The following NCOR2 variants were observed in gnomAD, a reference collection of about 807,000 sequenced individuals.
NCOR2 encodes nuclear receptor corepressor 2, also known as CTG repeat protein 26.
Under a neutral mutation model 262.9 loss-of-function variants are expected in NCOR2, and 81 were observed. That is an observed-to-expected ratio of 0.31 (90% confidence interval 0.26 to 0.37). The LOEUF (loss-of-function observed/expected upper bound fraction) is 0.37. Ranked by LOEUF, NCOR2 falls within the 10% of genes least tolerant of loss-of-function variation. NCOR2 has a pLI of 1.00. For synonymous variants in NCOR2, 1,659 were observed against 1,559.3 expected (o/e 1.06, Z -1.51); for missense variants, 3,385 against 3,621.4 (o/e 0.93, Z 1.68).
At chr12:124,529,087 G>A (rs1208475592) in intron 1 of NCOR2, among the ~76,000 whole-genome samples, 1 of 147,520 alleles carries the variant, frequency 6.8e-6, no homozygotes, top group East Asian at 2.0e-4. Context: ...GCTGAGGCAG[G>A]AGAATTGCTT....
At position 124,356,761 on chromosome 12, in the gene NCOR2, T is replaced by G. The variant is rs760784859; in HGVS notation, c.3122A>C (p.Lys1041Thr). The change falls in exon 23 of 47, where the codon AAG becomes ACG. Residue 1041 changes from lysine (K) to threonine (T), a missense_variant. Lys to Thr is a moderately conservative substitution (Grantham distance 78). Around this residue, in one of 5 missense-constraint regions of NCOR2, gnomAD observed 1,615 missense variants for 1,626.9 expected, o/e 0.99. Transcript: ENST00000405201. ...CCAGCAAGGGGGGTCCCCAGGCAGC[T>G]TCTGGGCCTCGGCTGCGAAGGCTGG... is the stretch of plus-strand genomic sequence containing the variant. The G allele has an allele frequency of 1.2e-5, 18 of 1,489,062 alleles. No individual in the cohort carries two copies. Among genetic ancestry groups the G allele is most frequent in the Middle Eastern group, 1.7e-4 (1 of 5,778 alleles). 92.2% of individuals were successfully genotyped at this position (1,489,062 alleles called of 1,614,324 possible). A position where few individuals can be genotyped will look rare whatever the true frequency, so the allele number is the denominator to read the frequency against.
In NCOR2 at chr12:124,430,609, G is replaced by A. The variant is rs771574486; in HGVS notation, c.1055+6C>T. The A allele has an allele frequency of 1.7e-5, 28 of 1,606,908 alleles. No individual in the cohort carries two copies. The highest frequency in any genetic ancestry group is 2.2e-5 in the East Asian group (1 of 44,776). On this transcript the variant is annotated splice_donor_region_variant and intron_variant, in intron 9 of 46. Coordinates refer to ENST00000405201, the Ensembl canonical transcript of NCOR2. ...GTCGGGGGCCCTGGGCTCAGGCCCCGCTCACCTCTGCATGCGCTCCTGCAG... is the reference window on the plus strand; with the variant it reads ...GTCGGGGGCCCTGGGCTCAGGCCCCACTCACCTCTGCATGCGCTCCTGCAG...
At chr12:124,493,115 G>A (rs1264518155) in intron 1 of NCOR2, among the ~76,000 whole-genome samples, 2 of 152,252 alleles carry the variant, frequency 1.3e-5, no homozygotes, top group Non-Finnish European at 2.9e-5. Context: ...CGTCACTGAC[G>A]GCCCAGCAGG....
intron 1 of NCOR2, among the ~76,000 whole-genome samples, chr12:124,515,595 G>A (rs2049694719): frequency 1.3e-5 from 2 of 152,168 alleles, no homozygotes; most frequent in South Asian, 4.2e-4. Flanking sequence ...GCATGTATCT[G>A]TGTGGGTGTC....
intron 7 of NCOR2, among the ~76,000 whole-genome samples, chr12:124,445,915 G>A (rs950786773): frequency 5.3e-5 from 8 of 152,226 alleles, no homozygotes; most frequent in African/African-American, 1.7e-4. Context: ...TAGTGAGCAC[G>A]TCTGAAACTG....
In NCOR2 at chr12:124,326,984, T is replaced by C. The variant is rs566690679; in HGVS notation, c.7183+425A>G. Among the ~76,000 whole-genome samples the C allele has an allele frequency of 7.5e-4, 114 of 152,186 alleles. 1 individual carries two copies. Among genetic ancestry groups the C allele is most frequent in the African/African-American group, 2.7e-3 (111 of 41,540 alleles). On this transcript the variant is annotated intron_variant, in intron 45 of 46. Transcript: ENST00000405201. ...AGGCTAAGGGGCAGCTGAGGACACA[T>C]AGTGGGCCTGGCAGATGCTGAGCAC...
At chr12:124,445,790 G>A (rs1052881581) in intron 7 of NCOR2, among the ~76,000 whole-genome samples, 11 of 152,248 alleles carry the variant, frequency 7.2e-5, no homozygotes, top group Non-Finnish European at 8.8e-5. Context: ...AGTGCCTGGC[G>A]TGTAGTAGAT....
intron 3 of NCOR2, 114 bp from the exon 6 acceptor site, chr12:124,473,245 G>T: frequency 8.0e-7 from 1 of 1,246,814 alleles, no homozygotes. Context: ...GCAAAGTATT[G>T]ATCCTCGGTA....
chr12:124,347,720 C>G, intron 30 of NCOR2, 105 bp downstream of exon 32: 1 of 1,151,924 alleles, frequency 8.7e-7, no homozygotes. Flanking sequence ...TTTCTGCATA[C>G]TTGTCCTGAG....
chr12:124,506,755 G>C (rs1287001699), intron 1 of NCOR2, among the ~76,000 whole-genome samples: 1 of 152,218 alleles, frequency 6.6e-6, no homozygotes, highest in Non-Finnish European at 1.5e-5. Context: ...AGAGGGAAGT[G>C]AGGAGTCAGA....
At chr12:124,335,035 C>G (rs1397498149) in intron 40 of NCOR2, 100 bp downstream of exon 42, 79 of 1,574,068 alleles carry the variant, frequency 5.0e-5, no homozygotes, top group Non-Finnish European at 6.5e-5. Context: ...CCCCAGCCAC[C>G]CCGCCAGGAC....
intron 8 of NCOR2, among the ~76,000 whole-genome samples, chr12:124,436,945 G>A (rs1373302505): frequency 1.3e-5 from 2 of 152,106 alleles, no homozygotes; most frequent in Non-Finnish European, 2.9e-5. Context: ...AATTAGCCGG[G>A]CTTGGTGGCG....
At chr12:124,512,160 C>G (rs560274864) in intron 1 of NCOR2, among the ~76,000 whole-genome samples, 2 of 152,336 alleles carry the variant, frequency 1.3e-5, no homozygotes, top group East Asian at 3.9e-4. Context: ...GATGCGCCCA[C>G]CTCGGCCTCC....
At chr12:124,526,387 A>G (rs1304949650) in intron 1 of NCOR2, among the ~76,000 whole-genome samples, 1 of 151,884 alleles carries the variant, frequency 6.6e-6, no homozygotes, top group East Asian at 1.9e-4. Flanking sequence ...CTGTAAAGTA[A>G]AGGGTGTTCC....
intron 19 of NCOR2, 83 bp downstream of exon 21, chr12:124,374,330 G>T: frequency 7.2e-7 from 1 of 1,394,648 alleles, no homozygotes; most frequent in Middle Eastern, 2.3e-4. Flanking sequence ...CTCAGAAGCG[G>T]GGTTCCTTGT....
chr12:124,415,579 G>A (rs886690817), intron 13 of NCOR2, among the ~76,000 whole-genome samples: 6 of 152,214 alleles, frequency 3.9e-5, no homozygotes, highest in African/African-American at 1.2e-4. Flanking sequence ...AGGAAGGGGC[G>A]AGCCCTGGAG....
At chr12:124,400,133 G>T (rs2041917400) in intron 15 of NCOR2, among the ~76,000 whole-genome samples, 2 of 152,188 alleles carry the variant, frequency 1.3e-5, no homozygotes, top group Admixed American at 6.5e-5. Flanking sequence ...TGGTCACTGG[G>T]AATTTTTTGT....
intron 1 of NCOR2, among the ~76,000 whole-genome samples, chr12:124,564,917 C>A (rs1004522238): frequency 5.4e-4 from 82 of 151,694 alleles, no homozygotes; most frequent in Middle Eastern, 3.4e-3. Flanking sequence ...CCCTGCCCCC[C>A]ACCCCCAGGC....
chr12:124,339,574 C>A (rs1195796720), intron 37 of NCOR2, among the ~76,000 whole-genome samples: 1 of 148,784 alleles, frequency 6.7e-6, no homozygotes, highest in Non-Finnish European at 1.5e-5. Context: ...CATCCACCCA[C>A]CCAGCTAACC....
Sources: gnomAD v4.1 joint callset for allele counts (sites outside exome capture counted in the v4.1 genomes callset) on GRCh38, gnomAD v4.1.1 for gene constraint, gnomAD v4.1.1 regional missense constraint, MANE v1.5 for transcripts, NCBI Gene and HGNC (gene_info 2026-07-23, HGNC 2026-07-21) for gene names.